SLAMF1: variants seen among roughly 807,000 people sequenced by gnomAD.
SLAMF1 encodes the protein signaling lymphocytic activation molecule family member 1, also known as signaling lymphocytic activation molecule.
SLAMF1 carries 18 observed loss-of-function variants against 35.1 expected under a neutral mutation model. That is an observed-to-expected ratio of 0.51 (90% confidence interval 0.35 to 0.76). SLAMF1 has a LOEUF of 0.76. Among genes scored for constraint, SLAMF1 ranks in the 30% least tolerant of loss-of-function variants. The probability of loss-of-function intolerance (pLI) is 0.01; values close to 1 mark genes in which losing one functional copy is unlikely to be tolerated. For synonymous variants in SLAMF1, 168 were observed against 157.2 expected (o/e 1.07, Z -0.51); for missense variants, 392 against 413.0 (o/e 0.95, Z 0.44).
intron 4 of SLAMF1, among the ~76,000 whole-genome samples, chr1:160,620,387 G>A (rs569877188): frequency 1.4e-4 from 22 of 152,244 alleles, no homozygotes; most frequent in African/African-American, 5.3e-4. Flanking sequence ...GTGTAAGAGG[G>A]ATGTTCCACC....
rs1660825029 is a variant in SLAMF1, at chr1:160,642,881, T to C, written c.76+3989A>G. On this transcript the variant is annotated intron_variant, in intron 1 of 6. Transcript: ENST00000302035. The surrounding 1 kb of genome is among the most constrained non-coding windows in gnomAD (Gnocchi z 4.2). ...TTTGTGCCTCCTTCTAGAACGCTCCTTCTCAAGTTCCATAAAAATCAAGCC... is the reference window on the plus strand; with the variant it reads ...TTTGTGCCTCCTTCTAGAACGCTCCCTCTCAAGTTCCATAAAAATCAAGCC... Among the ~76,000 whole-genome samples, 1 of 152,218 alleles carries C rather than the reference T, an allele frequency of 6.6e-6. No homozygotes were observed. Among genetic ancestry groups the C allele is most frequent in the Non-Finnish European group, 1.5e-5 (1 of 68,028 alleles).
chr1:160,629,255 G>GC (rs1009743279), intron 3 of SLAMF1, among the ~76,000 whole-genome samples: 1 of 151,714 alleles, frequency 6.6e-6, no homozygotes, highest in African/African-American at 2.4e-5. Context: ...GCCAGAGGGC[G>GC]TTTTTTTTCT....
intron 5 of SLAMF1, chr1:160,615,821 GA>G: frequency 4.2e-6 from 1 of 238,324 alleles, no homozygotes; most frequent in Non-Finnish European, 8.7e-6. Flanking sequence ...ATGTGAAGAT[GA>G]AGGCAAAAAT....
intron 3 of SLAMF1, 45 bp downstream of exon 3, chr1:160,634,568 C>G: frequency 6.5e-7 from 1 of 1,535,576 alleles, no homozygotes; most frequent in African/African-American, 1.4e-5. Flanking sequence ...AAGACTGAGC[C>G]CATGCTCATT....
intron 5 of SLAMF1, among the ~76,000 whole-genome samples, chr1:160,618,723 T>C (rs1659446181): frequency 6.6e-6 from 1 of 152,172 alleles, no homozygotes; most frequent in Non-Finnish European, 1.5e-5. Context: ...ATGTGGCTAG[T>C]GACTACCATA....
intron 5 of SLAMF1, among the ~76,000 whole-genome samples, chr1:160,613,308 G>C (rs551506296): frequency 6.6e-6 from 1 of 152,200 alleles, no homozygotes; most frequent in South Asian, 2.1e-4. Context: ...AAAACATTCT[G>C]ATATATTTAT....
At chr1:160,622,741 G>A (rs1659685777) in intron 4 of SLAMF1, among the ~76,000 whole-genome samples, 1 of 152,188 alleles carries the variant, frequency 6.6e-6, no homozygotes, top group Non-Finnish European at 1.5e-5. Context: ...CTTGTCAGTA[G>A]CAAAATCTGC....
intron 2 of SLAMF1, among the ~76,000 whole-genome samples, chr1:160,636,017 G>C (rs946353144): frequency 6.6e-6 from 1 of 152,178 alleles, no homozygotes; most frequent in African/African-American, 2.4e-5. Flanking sequence ...ACCTAGGTCT[G>C]TCTGACTTCA....
intron 1 of SLAMF1, among the ~76,000 whole-genome samples, chr1:160,638,881 TC>T (rs1660597693): frequency 1.3e-5 from 2 of 152,236 alleles, no homozygotes; most frequent in African/African-American, 4.8e-5. Flanking sequence ...TTGCCTCTGC[TC>T]AGTTTTCTTG....
chr1:160,635,442 A>AT (rs1177352095), intron 2 of SLAMF1, among the ~76,000 whole-genome samples: 1 of 152,210 alleles, frequency 6.6e-6, no homozygotes, highest in East Asian at 1.9e-4. Flanking sequence ...TAGGTCCTCA[A>AT]TTATAACCAT....
At chr1:160,621,177 T>C (rs1659591089) in intron 4 of SLAMF1, among the ~76,000 whole-genome samples, 1 of 152,194 alleles carries the variant, frequency 6.6e-6, no homozygotes, top group South Asian at 2.1e-4. Context: ...TATGGGATTA[T>C]TGCAAAGTCC....
Position 160,634,884 on chromosome 1 carries a change from A to G in SLAMF1, c.429T>C (p.Thr143=), listed in dbSNP as rs1660351659. Residue 143 remains threonine, a synonymous_variant, in exon 3 of 7, where the codon ACT becomes ACC. Transcript: ENST00000302035. ...LQLRLYEQVS[T]PEIKVLNKTQ... ...TCTTGTTTAAAACTTTAATTTCTGG[A>G]GTGGAGACCTGCTCTGTCAGGAGTG... 2.5e-6 allele frequency: 4 copies of G among 1,611,150 alleles called. No individual in the cohort carries two copies. The highest frequency in any genetic ancestry group is 3.4e-6 in the Non-Finnish European group (4 of 1,177,760).
At chr1:160,640,729 G>T (rs1375798676) in intron 1 of SLAMF1, among the ~76,000 whole-genome samples, 1 of 152,126 alleles carries the variant, frequency 6.6e-6, no homozygotes, top group Non-Finnish European at 1.5e-5. Flanking sequence ...AGAAGAAAAA[G>T]AAGTCTATCT....
At chr1:160,627,979 T>C (rs528075267) in intron 3 of SLAMF1, among the ~76,000 whole-genome samples, 86 of 152,274 alleles carry the variant, frequency 5.6e-4, no homozygotes, top group Non-Finnish European at 8.8e-5. Context: ...GTTTTATAAA[T>C]GGGAGCTCCC....
intron 3 of SLAMF1, among the ~76,000 whole-genome samples, chr1:160,632,045 C>G (rs192035945): frequency 6.6e-6 from 1 of 151,964 alleles, no homozygotes; most frequent in African/African-American, 2.4e-5. Flanking sequence ...AGAGATCCTT[C>G]TCTGACAGCC....
Position 160,612,485 on chromosome 1 carries a change from C to T in SLAMF1, c.957+3G>A. On this transcript the variant is annotated splice_donor_region_variant and intron_variant, in intron 6 of 6. Transcript: ENST00000302035. ...ACGGAGAGTAGGCAGAGAGATGCCT[C>T]ACCTGGACAGACTCTGGGACAGGCT... The T allele has an allele frequency of 6.3e-7, 1 of 1,598,282 alleles. No individual in the cohort carries two copies. The highest frequency in any genetic ancestry group is 8.6e-7 in the Non-Finnish European group (1 of 1,166,454).
intron 4 of SLAMF1, chr1:160,623,603 C>A (rs1159707941): frequency 7.5e-6 from 3 of 398,838 alleles, no homozygotes; most frequent in Non-Finnish European, 1.3e-5. Flanking sequence ...GAGCACAATG[C>A]CCTGAGATAT....
chr1:160,643,049 AC>A (rs1660837153), intron 1 of SLAMF1, among the ~76,000 whole-genome samples: 1 of 6,550 alleles, frequency 1.5e-4, no homozygotes, highest in Admixed American at 4.3e-3. Context: ...TTGGCCCCCC[AC>A]TTCCCCCTAG....
chr1:160,618,871 C>T (rs986277529), intron 5 of SLAMF1, among the ~76,000 whole-genome samples: 2 of 152,022 alleles, frequency 1.3e-5, no homozygotes, highest in Admixed American at 6.5e-5. Context: ...TCTTGGGATT[C>T]TCATCTATTT....
Sources: allele counts gnomAD v4.1 joint callset (sites outside exome capture counted in the v4.1 genomes callset), GRCh38; gene constraint gnomAD v4.1.1; non-coding constraint Gnocchi (gnomAD v3.1); transcripts MANE v1.5; gene names NCBI Gene and HGNC (gene_info 2026-07-23, HGNC 2026-07-21).